HEMK2: variants seen among roughly 807,000 people sequenced by gnomAD.
The protein encoded by HEMK2 is HemK methyltransferase 2, ETF1 glutamine and histone H4 lysine, also known as methyltransferase HEMK2.
At chr21:28,683,115 T>C in the HEMK2 span, among the ~76,000 whole-genome samples, 3 of 150,572 alleles carry the variant, frequency 2.0e-5, no homozygotes, top group Non-Finnish European at 4.4e-5. Context: ...TTCTATATTA[T>C]ATTTATGATT....
At chr21:28,747,751 G>A in the HEMK2 span, among the ~76,000 whole-genome samples, 4 of 152,218 alleles carry the variant, frequency 2.6e-5, no homozygotes, top group Non-Finnish European at 5.9e-5. Flanking sequence ...CTTATCCTTT[G>A]CACCAACATG....
At chr21:28,676,962 C>A in the HEMK2 span, among the ~76,000 whole-genome samples, 4 of 152,184 alleles carry the variant, frequency 2.6e-5, no homozygotes, top group Non-Finnish European at 5.9e-5. Context: ...CTACAGCTCC[C>A]AGCGTGAGCG....
the HEMK2 span, among the ~76,000 whole-genome samples, chr21:28,602,441 A>G: frequency 6.6e-6 from 1 of 152,204 alleles, no homozygotes; most frequent in Admixed American, 6.5e-5. Context: ...GTTGTATTCT[A>G]CATTTTGTGC....
At chr21:28,588,043 C>T in the HEMK2 span, among the ~76,000 whole-genome samples, 1 of 152,124 alleles carries the variant, frequency 6.6e-6, no homozygotes, top group Non-Finnish European at 1.5e-5. Flanking sequence ...CTCTTCTTCC[C>T]CAGTGAGCGT....
the HEMK2 span, among the ~76,000 whole-genome samples, chr21:28,638,751 T>C: frequency 1.8e-4 from 28 of 152,052 alleles, no homozygotes; most frequent in African/African-American, 6.8e-4. Context: ...CTCACGTACA[T>C]GGTGATTGGG....
the HEMK2 span, among the ~76,000 whole-genome samples, chr21:28,750,685 A>G: frequency 2.1e-5 from 3 of 140,664 alleles, no homozygotes; most frequent in Admixed American, 2.2e-4. Flanking sequence ...TGGGTGACAG[A>G]GCAAGGCTCC....
the HEMK2 span, among the ~76,000 whole-genome samples, chr21:28,822,777 A>C: frequency 6.6e-6 from 1 of 152,172 alleles, no homozygotes; most frequent in African/African-American, 2.4e-5. Flanking sequence ...GACTTGATAT[A>C]TAAACTTTTG....
At chr21:28,638,519 GGA>G in the HEMK2 span, among the ~76,000 whole-genome samples, 1 of 152,166 alleles carries the variant, frequency 6.6e-6, no homozygotes, top group Non-Finnish European at 1.5e-5. Flanking sequence ...TTTAAGCAAA[GGA>G]GAGGACATGT....
the HEMK2 span, among the ~76,000 whole-genome samples, chr21:28,816,082 G>T: frequency 1.3e-4 from 20 of 152,304 alleles, no homozygotes; most frequent in African/African-American, 4.8e-4. Context: ...AGCAAGAGAT[G>T]GCATCTGAAG....
chr21:28,878,582 AC>A, the HEMK2 span, among the ~76,000 whole-genome samples: 1 of 147,258 alleles, frequency 6.8e-6, no homozygotes, highest in Non-Finnish European at 1.5e-5. Context: ...TTCCATATGT[AC>A]AATTAGAAAA....
chr21:28,856,915 C>T, the HEMK2 span, among the ~76,000 whole-genome samples: 1 of 152,194 alleles, frequency 6.6e-6, no homozygotes, highest in African/African-American at 2.4e-5. Context: ...ACTCCAGCCC[C>T]GGGAATTCCA....
the HEMK2 span, among the ~76,000 whole-genome samples, chr21:28,678,118 A>G: frequency 2.0e-5 from 3 of 152,208 alleles, no homozygotes; most frequent in African/African-American, 7.2e-5. Context: ...GGAAGTTTGA[A>G]CCCATGGCAA....
chr21:28,668,797 C>G, the HEMK2 span, among the ~76,000 whole-genome samples: 76 of 152,266 alleles, frequency 5.0e-4, no homozygotes, highest in Non-Finnish European at 1.0e-3. Flanking sequence ...ATCAAAATCA[C>G]CTGGGGAAAT....
At chr21:28,599,840 A>T in the HEMK2 span, among the ~76,000 whole-genome samples, 1 of 152,200 alleles carries the variant, frequency 6.6e-6, no homozygotes, top group Non-Finnish European at 1.5e-5. Context: ...AATTGGCCAA[A>T]ACAAAGGGGC....
chr21:28,718,506 C>T, the HEMK2 span, among the ~76,000 whole-genome samples: 1 of 152,098 alleles, frequency 6.6e-6, no homozygotes, highest in Non-Finnish European at 1.5e-5. Flanking sequence ...ATCTGTCTAA[C>T]AATGTCAGTG....
chr21:28,613,875 T>TA, the HEMK2 span, among the ~76,000 whole-genome samples: 1 of 152,192 alleles, frequency 6.6e-6, no homozygotes, highest in African/African-American at 2.4e-5. Flanking sequence ...GACTAGGACT[T>TA]ACATTTCCAT....
At chr21:28,624,740 G>C in the HEMK2 span, among the ~76,000 whole-genome samples, 1 of 152,170 alleles carries the variant, frequency 6.6e-6, no homozygotes. Flanking sequence ...GAGAGGACTA[G>C]GAACACTAAT....
At chr21:28,621,833 G>T in the HEMK2 span, among the ~76,000 whole-genome samples, 19 of 152,180 alleles carry the variant, frequency 1.2e-4, no homozygotes, top group Non-Finnish European at 2.6e-4. Context: ...AGTTGCTTCA[G>T]GCCATCTGGA....
chr21:28,689,025 G>T, the HEMK2 span, among the ~76,000 whole-genome samples: 1 of 152,136 alleles, frequency 6.6e-6, no homozygotes, highest in Non-Finnish European at 1.5e-5. Context: ...TTTACTGTCT[G>T]GCCTTGTACA....
Sources: gnomAD v4.1 joint callset for allele counts (sites outside exome capture counted in the v4.1 genomes callset) on GRCh38, gnomAD v4.1.1 for gene constraint, MANE v1.5 for transcripts, NCBI Gene and HGNC (gene_info 2026-07-23, HGNC 2026-07-21) for gene names.